PRDM9: variants seen among roughly 807,000 people sequenced by gnomAD.
PRDM9 encodes histone-lysine N-methyltransferase PRDM9.
A neutral mutation model predicts 55.6 loss-of-function variants in PRDM9; 47 were observed. The ratio of observed to expected loss-of-function variants is 0.85; its 90% CI spans 0.67 to 1.08. The LOEUF is 1.08. PRDM9 is among the 50% of genes least tolerant of loss of function. PRDM9 has a pLI of 0.00. For synonymous variants in PRDM9, 312 were observed against 375.7 expected (o/e 0.83, Z 1.96); for missense variants, 867 against 1,040.3 (o/e 0.83, Z 2.29).
At chr5:23,510,501 A>G (rs1489937261) in intron 4 of PRDM9, among the ~76,000 whole-genome samples, 2 of 149,318 alleles carry the variant, frequency 1.3e-5, no homozygotes, top group African/African-American at 5.0e-5. Flanking sequence ...GGGACTACAG[A>G]TGTGCACCAC....
intron 2 of PRDM9, 82 bp downstream of exon 2, chr5:23,509,184 G>T: frequency 6.4e-7 from 1 of 1,565,104 alleles, no homozygotes; most frequent in Non-Finnish European, 8.8e-7. Flanking sequence ...TGTACCCTTG[G>T]GGGACCCTAT....
At chr5:23,511,874 C>G (rs1739105873) in intron 4 of PRDM9, among the ~76,000 whole-genome samples, 1 of 151,754 alleles carries the variant, frequency 6.6e-6, no homozygotes. Context: ...AGATCTGAAA[C>G]AATTGTGACA....
chr5:23,526,660 C>A lies in PRDM9; in HGVS notation c.1572C>A (p.Val524=). ...TAGGAATCTCAAGAATTGCAAAAGT[C>A]AAGTATGGAGAGTGTGGACAAGGTT... ...VGVGISRIAK[V]KYGECGQGFS... The change falls in exon 11 of 11, where the codon GTC becomes GTA. Residue 524 remains valine, a synonymous_variant. Coordinates refer to ENST00000296682, the MANE Select transcript of PRDM9 (RefSeq NM_020227.4). 2 of 1,614,194 alleles carry A rather than the reference C, an allele frequency of 1.2e-6. No homozygotes were observed. The highest frequency in any genetic ancestry group is 2.2e-5 in the South Asian group (2 of 91,082).
chr5:23,517,387 G>A (rs1739234966), intron 4 of PRDM9, among the ~76,000 whole-genome samples: 1 of 152,006 alleles, frequency 6.6e-6, no homozygotes, highest in Non-Finnish European at 1.5e-5. Flanking sequence ...GCCTTTAATA[G>A]AAACATAGGC....
At chr5:23,516,651 C>T (rs1395062571) in intron 4 of PRDM9, among the ~76,000 whole-genome samples, 3 of 151,602 alleles carry the variant, frequency 2.0e-5, no homozygotes, top group South Asian at 2.1e-4. Context: ...AGATTACAGG[C>T]GTGAGCCACC....
rs1488059953 is a variant in PRDM9 at position 23,522,632 on chromosome 5, A to C, written c.629A>C (p.Asn210Thr). The C allele has an allele frequency of 6.2e-7, 1 of 1,614,226 alleles. No homozygotes were observed. Among genetic ancestry groups the C allele is most frequent in the South Asian group, 1.1e-5 (1 of 91,086 alleles). The change falls in exon 8 of 11, where the codon AAC (asparagine) becomes ACC (threonine). Residue 210 changes from asparagine to threonine, a missense_variant. Physicochemically the swap from Asn to Thr is moderately conservative, Grantham distance 65. This residue lies in a region of PRDM9 where 662 missense variants were observed against 711.9 expected (regional missense o/e 0.93). Coordinates refer to ENST00000296682, the MANE Select transcript of PRDM9 (RefSeq NM_020227.4). ...CTTCCAGATTGTGAGATGTGTCAGA[A>C]CTTCTTCATTGACAGCTGTGCTGCC... is the stretch of plus-strand genomic sequence containing the variant. ...DDYLYCEMCQ[N>T]FFIDSCAAHG...
intron 4 of PRDM9, among the ~76,000 whole-genome samples, chr5:23,510,681 C>A (rs1260121452): frequency 6.7e-6 from 1 of 149,348 alleles, no homozygotes; most frequent in African/African-American, 2.5e-5. Context: ...GTGATTGTTA[C>A]TATTATTACA....
intron 4 of PRDM9, among the ~76,000 whole-genome samples, chr5:23,512,302 A>G (rs1177312841): frequency 6.6e-6 from 1 of 152,188 alleles, no homozygotes; most frequent in African/African-American, 2.4e-5. Context: ...ATAATGTATC[A>G]TAATTATAAA....
intron 4 of PRDM9, among the ~76,000 whole-genome samples, chr5:23,511,245 T>G (rs904881811): frequency 6.6e-6 from 1 of 152,102 alleles, no homozygotes; most frequent in African/African-American, 2.4e-5. Flanking sequence ...AAAAGAATCT[T>G]CCCTCAAAAG....
At chr5:23,519,968 C>T (rs1435218764) in intron 5 of PRDM9, among the ~76,000 whole-genome samples, 3 of 151,530 alleles carry the variant, frequency 2.0e-5, no homozygotes, top group Non-Finnish European at 4.4e-5. Context: ...CGCTTGAACC[C>T]GGGAGGTGAA....
chr5:23,507,347 T>G (rs1491003074), upstream of PRDM9: 1 of 152,376 alleles, frequency 6.6e-6, no homozygotes, highest in Admixed American at 6.5e-5. Context: ...CCCTCGAAAC[T>G]GCGCCTGCGC....
intron 4 of PRDM9, among the ~76,000 whole-genome samples, chr5:23,512,517 G>T (rs1342543281): frequency 1.3e-5 from 2 of 152,112 alleles, no homozygotes; most frequent in Non-Finnish European, 2.9e-5. Context: ...GTTTTGACAT[G>T]AAAAGAATGG....
rs544219990 is a variant in PRDM9 at position 23,522,248 on chromosome 5, A to G, written c.509-56A>G. 8.2e-5 allele frequency: 115 copies of G among 1,410,804 alleles called. No homozygotes were observed. The African/African-American group carries it at 1.6e-3, about 19-fold the overall frequency. The allele number at this position is 1,410,804 out of a possible 1,614,324, so 87.4% of individuals were successfully genotyped here. A position where few individuals can be genotyped will look rare whatever the true frequency, so the allele number is the denominator to read the frequency against. ...GGTAGATTTCACATTTTCTTATGAA[A>G]CAAGGACAAACACCCCAGATTCCCA... On this transcript the variant is annotated intron_variant, in intron 6 of 10. Coordinates refer to ENST00000296682, the MANE Select transcript of PRDM9 (RefSeq NM_020227.4).
chr5:23,509,051 C>A lies in PRDM9; in HGVS notation c.18C>A (p.Ser6=). 1 of 1,614,048 alleles carries A rather than the reference C, an allele frequency of 6.2e-7. No homozygotes were observed. Among genetic ancestry groups the A allele is most frequent in the Non-Finnish European group, 8.5e-7 (1 of 1,179,986 alleles). ...CCAGCACCATGAGCCCTGAAAAGTC[C>A]CAAGAGGAGAGCCCAGAAGAAGACA... MSPEK[S]QEESPEEDTE... is the part of the protein sequence containing the mutation. The change falls in exon 2 of 11, where the codon TCC becomes TCA. Residue 6 remains serine, a synonymous_variant. Transcript: ENST00000296682.
rs752754669 is a variant in PRDM9, at chr5:23,517,930, GGTAA to G, written c.351+4_351+7del. On this transcript the variant is annotated splice_donor_variant and splice_donor_region_variant and intron_variant, in intron 5 of 10. Transcript: ENST00000296682. LOFTEE classifies it high-confidence loss of function. ...GAGTGGAACAGCGTAAACACCAGAAGGTAAGTATTTCCCAAATCCTATTGACAAG... is the reference window on the plus strand; with the variant it reads ...GAGTGGAACAGCGTAAACACCAGAAGGTATTTCCCAAATCCTATTGACAAG... 3 of 1,593,238 alleles carry G rather than the reference GGTAA, an allele frequency of 1.9e-6. No individual in the cohort carries two copies. Among genetic ancestry groups the G allele is most frequent in the Non-Finnish European group, 2.6e-6 (3 of 1,161,060 alleles).
At chr5:23,522,956 C>T in intron 8 of PRDM9, 71 bp downstream of exon 8, 3 of 1,609,874 alleles carry the variant, frequency 1.9e-6, no homozygotes, top group Non-Finnish European at 2.6e-6. Context: ...GGGGCATAAT[C>T]TTCTACATGT....
In PRDM9 at chr5:23,527,202, C is replaced by G. The variant is rs1201228825; in HGVS notation, c.2114C>G (p.Ser705Ter). The change falls in exon 11 of 11, where the codon TCA (serine) becomes TGA (stop). Residue 705 changes from serine (S) to a stop codon, truncating the protein, a stop_gained. Transcript: ENST00000296682. LOFTEE classifies it low-confidence loss of function (END_TRUNC). ...RECGRGFSWQ[S>*]VLLTHQRTHT... The stretch of plus-strand genomic sequence containing the variant: ...TGTGGGCGGGGCTTTAGCTGGCAGT[C>G]AGTCCTCCTCACTCACCAGAGGACA... 1 of 473,964 alleles carries G rather than the reference C, an allele frequency of 2.1e-6. No homozygotes were observed. The highest frequency in any genetic ancestry group is 2.2e-5 in the African/African-American group (1 of 46,042). The allele number at this position is 473,964 out of a possible 1,614,324, so 29.4% of individuals were successfully genotyped here. A position where few individuals can be genotyped will look rare whatever the true frequency, so the allele number is the denominator to read the frequency against.
chr5:23,522,521 G>T, intron 7 of PRDM9, 93 bp from the exon 8 acceptor site: 1 of 1,595,146 alleles, frequency 6.3e-7, no homozygotes, highest in East Asian at 2.2e-5. Context: ...CAGGATTAGG[G>T]CTAAATAATG....
In PRDM9 at chr5:23,522,361, A is replaced by C; in HGVS notation, c.566A>C (p.His189Pro). 6.2e-7 allele frequency: 1 copy of C among 1,614,188 alleles called. No individual in the cohort carries two copies. Among genetic ancestry groups the C allele is most frequent in the Non-Finnish European group, 8.5e-7 (1 of 1,180,034 alleles). ...TATAGCCTGCGAGAAAGAAAGGGTC[A>C]TGCATACAAAGAGGTCAGCGAGCCG... ...KMYSLRERKG[H>P]AYKEVSEPQD... The change falls in exon 7 of 11, where the codon CAT becomes CCT. Residue 189 changes from histidine to proline, a missense_variant. His to Pro is a moderately conservative substitution (Grantham distance 77). Transcript: ENST00000296682.
Sources: allele counts gnomAD v4.1 joint callset (sites outside exome capture counted in the v4.1 genomes callset), GRCh38; gene constraint gnomAD v4.1.1; regional missense constraint gnomAD v4.1.1; transcripts MANE v1.5; gene names NCBI Gene and HGNC (gene_info 2026-07-23, HGNC 2026-07-21).